PDE4D: variants seen among roughly 807,000 people sequenced by gnomAD.
The protein encoded by PDE4D is phosphodiesterase 4D.
A neutral mutation model predicts 87.4 loss-of-function variants in PDE4D; 24 were observed. That is an observed-to-expected ratio of 0.27 (90% CI 0.20 to 0.39). The LOEUF is 0.39. Among genes scored for constraint, PDE4D ranks in the 10% least tolerant of loss-of-function variants. PDE4D has a pLI of 1.00. For synonymous variants in PDE4D, 384 were observed against 383.2 expected, an observed-to-expected ratio of 1.00 and a Z score of -0.02; for missense variants, 714 against 1,041.0, an observed-to-expected ratio of 0.69 and a Z score of 4.32.
At chr5:60,503,177 A>G (rs1022668185) in intron 1 of PDE4D, among the ~76,000 whole-genome samples, 6 of 152,138 alleles carry the variant, frequency 3.9e-5, no homozygotes, top group Non-Finnish European at 7.4e-5. Flanking sequence ...AATGGAAGAG[A>G]AAGAAAGTGA....
intron 1 of PDE4D, among the ~76,000 whole-genome samples, chr5:60,258,404 T>C (rs990440683): frequency 7.2e-5 from 11 of 151,890 alleles, no homozygotes; most frequent in Non-Finnish European, 1.6e-4. Context: ...CCTCAGAAAT[T>C]AAACAAAATA....
intron 2 of PDE4D, among the ~76,000 whole-genome samples, chr5:60,110,332 C>T (rs1238563115): frequency 1.3e-5 from 2 of 151,698 alleles, no homozygotes; most frequent in Non-Finnish European, 2.9e-5. Flanking sequence ...CAGAAAAAAA[C>T]AAATAAGGTG....
rs114577729 is a variant in PDE4D, at chr5:59,776,062, C to T, written c.455+117106G>A. Among the ~76,000 whole-genome samples the T allele has an allele frequency of 8.5e-3, 1,297 of 152,162 alleles. 21 individuals are homozygous for T. Among genetic ancestry groups the T allele is most frequent in the African/African-American group, 0.03 (1,241 of 41,518 alleles). On this transcript the variant is annotated intron_variant, in intron 1 of 14. Coordinates refer to ENST00000340635, the MANE Select transcript of PDE4D (RefSeq NM_001104631.2). ...GTTGGAAATTTTTTCTAAAGTTAAA[C>T]ATATCTAAACAATGGTTTCTCATAA...
intron 1 of PDE4D, among the ~76,000 whole-genome samples, chr5:59,856,886 A>G (rs1168602983): frequency 6.6e-6 from 1 of 152,184 alleles, no homozygotes; most frequent in African/African-American, 2.4e-5. Context: ...TTCAAAGAAA[A>G]TGAGTATTAG....
chr5:60,444,945 T>G (rs1429671835), intron 1 of PDE4D, among the ~76,000 whole-genome samples: 1 of 151,402 alleles, frequency 6.6e-6, no homozygotes. Context: ...AAATGGTGTC[T>G]ACAAACACTC....
intron 1 of PDE4D, among the ~76,000 whole-genome samples, chr5:59,822,859 G>A (rs558452423): frequency 7.9e-5 from 12 of 152,284 alleles, no homozygotes; most frequent in African/African-American, 2.9e-4. Flanking sequence ...GTCTCATACA[G>A]TCATCATGGT....
At chr5:59,730,063 A>G (rs1202286874) in intron 1 of PDE4D, among the ~76,000 whole-genome samples, 3 of 152,234 alleles carry the variant, frequency 2.0e-5, no homozygotes, top group East Asian at 1.9e-4. Flanking sequence ...CTATGGAATG[A>G]GCAGATTCTA....
intron 1 of PDE4D, among the ~76,000 whole-genome samples, chr5:59,695,043 C>T (rs1043430762): frequency 2.0e-5 from 3 of 152,140 alleles, no homozygotes; most frequent in African/African-American, 4.8e-5. Context: ...ATCTGACTTA[C>T]ACTTATATCT....
chr5:59,723,189 G>A (rs1387933481), intron 1 of PDE4D, among the ~76,000 whole-genome samples: 1 of 151,988 alleles, frequency 6.6e-6, no homozygotes, highest in African/African-American at 2.4e-5. Flanking sequence ...TTGGGTGACA[G>A]AATACCTTAA....
intron 1 of PDE4D, among the ~76,000 whole-genome samples, chr5:60,324,383 G>A (rs1306717552): frequency 2.6e-5 from 4 of 152,122 alleles, no homozygotes; most frequent in African/African-American, 9.7e-5. Flanking sequence ...TTTATCCATA[G>A]GACCCAGCAC....
chr5:59,115,298 TC>T (rs1212739185), intron 5 of PDE4D, among the ~76,000 whole-genome samples: 1 of 152,184 alleles, frequency 6.6e-6, no homozygotes, highest in Non-Finnish European at 1.5e-5. Flanking sequence ...GCTCAGTGTT[TC>T]CAAAGATGGG....
intron 1 of PDE4D, among the ~76,000 whole-genome samples, chr5:60,370,828 T>TGA (rs1046055226): frequency 1.4e-5 from 2 of 147,874 alleles, no homozygotes; most frequent in African/African-American, 2.5e-5. Flanking sequence ...AGAGAGAAAA[T>TGA]GAGAGAGAGA....
At chr5:59,932,065 C>A (rs1756023713) in intron 3 of PDE4D, among the ~76,000 whole-genome samples, 1 of 152,164 alleles carries the variant, frequency 6.6e-6, no homozygotes, top group South Asian at 2.1e-4. Context: ...GCACATATGC[C>A]TTTCTGATCC....
At chr5:59,078,951 T>C (rs28703107) in intron 5 of PDE4D, among the ~76,000 whole-genome samples, 7,144 of 152,190 alleles carry the variant, frequency 0.047, 575 homozygotes, top group African/African-American at 0.16. Flanking sequence ...TCCCAATCTG[T>C]CTATCTCTCT....
chr5:59,777,572 A>C (rs751307847), intron 1 of PDE4D, among the ~76,000 whole-genome samples: 30 of 152,190 alleles, frequency 2.0e-4, no homozygotes, highest in Non-Finnish European at 3.4e-4. Flanking sequence ...GAGCTCCTGA[A>C]TTTCCAAAGC....
intron 2 of PDE4D, chr5:60,127,687 A>T: frequency 1.7e-6 from 1 of 580,664 alleles, no homozygotes; most frequent in Non-Finnish European, 3.1e-6. Context: ...GCAGGCTGTG[A>T]GGGGAAAACA....
intron 1 of PDE4D, among the ~76,000 whole-genome samples, chr5:59,327,825 G>A (rs1473088405): frequency 6.6e-6 from 1 of 152,092 alleles, no homozygotes; most frequent in Non-Finnish European, 1.5e-5. Context: ...GCTACAAACT[G>A]GTGATATGGA....
intron 1 of PDE4D, among the ~76,000 whole-genome samples, chr5:60,270,190 T>C (rs542397175): frequency 2.0e-4 from 31 of 152,322 alleles, no homozygotes; most frequent in African/African-American, 7.0e-4. Flanking sequence ...AGAAGGTCAC[T>C]GCAAGAAAGA....
chr5:60,161,151 C>T (rs2962975), intron 2 of PDE4D, among the ~76,000 whole-genome samples: 102,538 of 151,926 alleles, frequency 0.67, 35,152 homozygotes, highest in Middle Eastern at 0.7. Context: ...GCCGCAATAA[C>T]TCTCATGGCT....
Sources: gnomAD v4.1 joint callset for allele counts (sites outside exome capture counted in the v4.1 genomes callset) on GRCh38, gnomAD v4.1.1 for gene constraint, MANE v1.5 for transcripts, NCBI Gene and HGNC (gene_info 2026-07-23, HGNC 2026-07-21) for gene names.